GRB10: variants seen among roughly 807,000 people sequenced by gnomAD.
GRB10 encodes the protein growth factor receptor bound protein 10, also known as growth factor receptor-bound protein 10.
A neutral mutation model predicts 80.9 loss-of-function variants in GRB10; 20 were observed. That is an observed-to-expected ratio of 0.25 (90% CI 0.17 to 0.36). The LOEUF (loss-of-function observed/expected upper bound fraction) is 0.36. Among genes scored for constraint, GRB10 ranks in the 10% least tolerant of loss-of-function variants. The pLI, the probability that GRB10 is intolerant of heterozygous loss-of-function variation, is 1.00. For missense variants in GRB10, 548 were observed against 747.7 expected (o/e 0.73, Z 3.12); for synonymous variants, 291 against 291.5 (o/e 1.00, Z 0.02).
chr7:50,614,137 G>A (rs915036377), intron 12 of GRB10, among the ~76,000 whole-genome samples: 13 of 152,328 alleles, frequency 8.5e-5, no homozygotes, highest in African/African-American at 2.9e-4. Context: ...CTATAGGTGT[G>A]TGCACATGTG....
At chr7:50,679,543 C>T (rs1031585943) in intron 5 of GRB10, among the ~76,000 whole-genome samples, 12 of 152,272 alleles carry the variant, frequency 7.9e-5, no homozygotes, top group African/African-American at 2.9e-4. Context: ...TTATTTGCAC[C>T]ATGTGTTTAG....
At chr7:50,710,748 C>A in intron 4 of GRB10, 2 of 1,031,780 alleles carry the variant, frequency 1.9e-6, no homozygotes, top group Non-Finnish European at 3.0e-6. Flanking sequence ...CGGGGTATCT[C>A]CACACCTTCC....
intron 2 of GRB10, among the ~76,000 whole-genome samples, chr7:50,778,223 ATGT>A (rs2077907363): frequency 6.6e-6 from 1 of 152,224 alleles, no homozygotes; most frequent in African/African-American, 2.4e-5. Flanking sequence ...ATTTTCTGAA[ATGT>A]TGTGCCATAA....
intron 3 of GRB10, among the ~76,000 whole-genome samples, chr7:50,742,473 T>C (rs1047391740): frequency 6.6e-6 from 1 of 152,134 alleles, no homozygotes; most frequent in African/African-American, 2.4e-5. Flanking sequence ...CAAATGATGG[T>C]CCCCGGACAT....
At chr7:50,689,514 G>A (rs1245609571) in intron 5 of GRB10, among the ~76,000 whole-genome samples, 5 of 151,896 alleles carry the variant, frequency 3.3e-5, no homozygotes, top group Non-Finnish European at 5.9e-5. Flanking sequence ...TGGGGATGGG[G>A]GGACCACAAG....
At chr7:50,655,464 AAC>A (rs2058552358) in intron 7 of GRB10, among the ~76,000 whole-genome samples, 1 of 152,210 alleles carries the variant, frequency 6.6e-6, no homozygotes, top group Admixed American at 6.5e-5. Flanking sequence ...AGACAGAGGA[AAC>A]ACAGAACTGC....
chr7:50,651,434 G>A (rs1183326035), intron 7 of GRB10, among the ~76,000 whole-genome samples: 1 of 152,114 alleles, frequency 6.6e-6, no homozygotes, highest in African/African-American at 2.4e-5. Flanking sequence ...TTCTCGTCCC[G>A]TGTCTATTTG....
intron 1 of GRB10, chr7:50,792,691 TG>T (rs1270193447): frequency 2.7e-6 from 1 of 376,194 alleles, no homozygotes; most frequent in African/African-American, 2.1e-5. Context: ...GCTCGGGATT[TG>T]GGAGTGTCTG....
intron 4 of GRB10, among the ~76,000 whole-genome samples, chr7:50,714,837 T>C (rs2066587758): frequency 6.6e-6 from 1 of 152,006 alleles, no homozygotes; most frequent in Non-Finnish European, 1.5e-5. Flanking sequence ...AACCAAACCA[T>C]GTGCGGCTGT....
chr7:50,622,174 C>T (rs1453948760), intron 8 of GRB10, among the ~76,000 whole-genome samples: 26 of 152,158 alleles, frequency 1.7e-4, no homozygotes. Flanking sequence ...GTGAGATAGC[C>T]CTGACGTGTG....
At chr7:50,655,074 G>T (rs896700113) in intron 7 of GRB10, among the ~76,000 whole-genome samples, 3 of 152,138 alleles carry the variant, frequency 2.0e-5, no homozygotes, top group Admixed American at 6.5e-5. Flanking sequence ...TTTGTTTTTG[G>T]CTTTTGTTTC....
chr7:50,785,249 A>C (rs2078644989), upstream of GRB10, among the ~76,000 whole-genome samples: 1 of 152,218 alleles, frequency 6.6e-6, no homozygotes, highest in African/African-American at 2.4e-5. Context: ...GGCTCCTGTC[A>C]GCTTCTGAGC....
In GRB10 at chr7:50,710,912, G is replaced by C. The variant is rs562385536; in HGVS notation, c.52-7004C>G. 95 of 1,612,630 alleles carry C rather than the reference G, an allele frequency of 5.9e-5. 1 individual carries two copies. The South Asian group carries it at 9.2e-4, about 16-fold the overall frequency. Reference sequence around the variant, plus strand: ...CAGAGGGCCGGCAGCTTGCATAGGAGGTCTCTCTCTCCCTCTCTCTACAGT... The same window carrying C: ...CAGAGGGCCGGCAGCTTGCATAGGACGTCTCTCTCTCCCTCTCTCTACAGT... On this transcript the variant is annotated intron_variant, in intron 4 of 18. Transcript: ENST00000401949.
intron 7 of GRB10, among the ~76,000 whole-genome samples, chr7:50,666,123 C>A (rs1260886150): frequency 6.6e-6 from 1 of 152,200 alleles, no homozygotes; most frequent in Non-Finnish European, 1.5e-5. Flanking sequence ...CCCTGTCCTT[C>A]TAGATAGAAT....
At chr7:50,714,387 G>A (rs1009054034) in intron 4 of GRB10, among the ~76,000 whole-genome samples, 3 of 152,210 alleles carry the variant, frequency 2.0e-5, no homozygotes, top group African/African-American at 7.2e-5. Context: ...CTTGAGGCCA[G>A]GAGCAGTGGC....
At chr7:50,762,067 C>G (rs918310294) in intron 2 of GRB10, 1 of 152,148 alleles carries the variant, frequency 6.6e-6, no homozygotes, top group Non-Finnish European at 1.5e-5. Flanking sequence ...TACCCAGTCT[C>G]AACTATTCCT....
intron 4 of GRB10, among the ~76,000 whole-genome samples, chr7:50,717,029 A>G (rs1033251610): frequency 6.6e-6 from 1 of 152,230 alleles, no homozygotes; most frequent in Non-Finnish European, 1.5e-5. Context: ...GGATAAGTCA[A>G]CCAAAGTTTC....
chr7:50,659,560 G>C (rs76571281), intron 7 of GRB10, among the ~76,000 whole-genome samples: 3,051 of 152,298 alleles, frequency 0.02, 117 homozygotes, highest in African/African-American at 0.07. Context: ...GGTCGCTCTG[G>C]GTCCTGCACC....
chr7:50,679,198 A>C (rs2061293439), intron 5 of GRB10, among the ~76,000 whole-genome samples: 1 of 152,210 alleles, frequency 6.6e-6, no homozygotes, highest in Non-Finnish European at 1.5e-5. Context: ...GTCTGATCTC[A>C]AATTCACATC....
Sources: gnomAD v4.1 joint callset for allele counts (sites outside exome capture counted in the v4.1 genomes callset) on GRCh38, gnomAD v4.1.1 for gene constraint, MANE v1.5 for transcripts, NCBI Gene and HGNC (gene_info 2026-07-23, HGNC 2026-07-21) for gene names.